Variants in ZNF804B observed in about 807,000 individuals in gnomAD.
ZNF804B encodes zinc finger 804B.
ZNF804B carries 80 observed loss-of-function variants against 101.4 expected under a neutral mutation model. The ratio of observed to expected loss-of-function variants is 0.79; its 90% confidence interval spans 0.66 to 0.95. ZNF804B has a LOEUF of 0.95. ZNF804B is among the 40% of genes least tolerant of loss of function. ZNF804B has a pLI of 0.00. For synonymous variants in ZNF804B, 622 were observed against 558.8 expected, an observed-to-expected ratio of 1.11 and a Z score of -1.59; for missense variants, 1,673 against 1,561.9, an observed-to-expected ratio of 1.07 and a Z score of -1.20.
intron 1 of ZNF804B, among the ~76,000 whole-genome samples, chr7:89,032,639 T>A (rs1394431305): frequency 1.3e-5 from 2 of 152,108 alleles, no homozygotes; most frequent in African/African-American, 2.4e-5. Flanking sequence ...AATACCTGCA[T>A]CATTGGTGAA....
chr7:89,043,554 T>A (rs374185456), intron 1 of ZNF804B, among the ~76,000 whole-genome samples: 56 of 152,308 alleles, frequency 3.7e-4, no homozygotes, highest in African/African-American at 1.2e-3. Context: ...TAATATAGCA[T>A]CAGCCATAAA....
At position 88,826,738 on chromosome 7, in the gene ZNF804B, G is replaced by C. The variant is rs932660045; in HGVS notation, c.108+66654G>C. ...TTGGCAATGGGAATTATTTTTAAAT[G>C]AAAAATGATGAATATATTTTGCATA... On this transcript the variant is annotated intron_variant, in intron 1 of 3. Transcript: ENST00000333190. Among the ~76,000 whole-genome samples, 7 of 152,120 alleles carry C rather than the reference G, an allele frequency of 4.6e-5. No individual in the cohort carries two copies. In the East Asian group the frequency reaches 1.2e-3, roughly 25 times the overall value.
At chr7:88,847,503 T>C (rs1016415259) in intron 1 of ZNF804B, among the ~76,000 whole-genome samples, 3 of 152,114 alleles carry the variant, frequency 2.0e-5, no homozygotes, top group African/African-American at 7.2e-5. Flanking sequence ...AAATTTTTAA[T>C]AAACTTGGAA....
chr7:89,155,705 G>GT (rs1337327751), intron 1 of ZNF804B, among the ~76,000 whole-genome samples: 1 of 152,120 alleles, frequency 6.6e-6, no homozygotes, highest in African/African-American at 2.4e-5. Context: ...ATTCTTACCA[G>GT]TTTTCGGAAG....
chr7:88,828,874 GA>G (rs530842992), intron 1 of ZNF804B, among the ~76,000 whole-genome samples: 13 of 151,952 alleles, frequency 8.6e-5, no homozygotes, highest in Non-Finnish European at 1.9e-4. Flanking sequence ...AGAATTTAGA[GA>G]AAAAACCCAT....
At chr7:89,029,420 C>A (rs11978744) in intron 1 of ZNF804B, among the ~76,000 whole-genome samples, 69,319 of 151,998 alleles carry the variant, frequency 0.46, 16,457 homozygotes, top group Middle Eastern at 0.52. Flanking sequence ...AGCTAATATT[C>A]ACAGAAGAAG....
rs371650871 is a variant in ZNF804B at position 88,910,120 on chromosome 7, A to G, written c.108+150036A>G. Among the ~76,000 whole-genome samples, 7 of 152,082 alleles carry G rather than the reference A, an allele frequency of 4.6e-5. No homozygotes were observed. In the East Asian group the frequency reaches 1.4e-3, roughly 29 times the overall value. On this transcript the variant is annotated intron_variant, in intron 1 of 3. Coordinates refer to ENST00000333190, the MANE Select transcript of ZNF804B (RefSeq NM_181646.5). ...ACCAGGGCAAAAAGTGAATAGGTAC[A>G]TACAGGTAAACTGTGGAGACAGCCT...
chr7:88,774,934 A>G (rs1790119803), intron 1 of ZNF804B, among the ~76,000 whole-genome samples: 1 of 152,184 alleles, frequency 6.6e-6, no homozygotes, highest in Non-Finnish European at 1.5e-5. Flanking sequence ...GATTATGGCT[A>G]TGCCTTGAGG....
chr7:88,940,006 A>G (rs527340653), intron 1 of ZNF804B, among the ~76,000 whole-genome samples: 4 of 152,122 alleles, frequency 2.6e-5, no homozygotes, highest in African/African-American at 9.6e-5. Context: ...AAGTAATAAT[A>G]TGGAAAATTA....
At chr7:88,858,269 T>A (rs930493802) in intron 1 of ZNF804B, among the ~76,000 whole-genome samples, 3 of 152,212 alleles carry the variant, frequency 2.0e-5, no homozygotes, top group African/African-American at 7.2e-5. Flanking sequence ...TTTCCTTTCT[T>A]CAAGGTACTT....
chr7:88,948,311 T>TTC (rs1310092714), intron 1 of ZNF804B, among the ~76,000 whole-genome samples: 7 of 122,660 alleles, frequency 5.7e-5, no homozygotes, highest in Non-Finnish European at 1.3e-4. Context: ...CATCCATTTT[T>TTC]TTTTTTTTTT....
At chr7:89,241,439 G>A (rs961847323) in intron 2 of ZNF804B, among the ~76,000 whole-genome samples, 2 of 151,932 alleles carry the variant, frequency 1.3e-5, no homozygotes, top group Non-Finnish European at 2.9e-5. Context: ...TCAAATCTTT[G>A]TTTCAGAGTC....
At chr7:89,117,631 C>T (rs960812512) in intron 1 of ZNF804B, among the ~76,000 whole-genome samples, 1 of 149,710 alleles carries the variant, frequency 6.7e-6, no homozygotes, top group Non-Finnish European at 1.5e-5. Context: ...AATTGTGATG[C>T]CTTTTTAGCC....
intron 2 of ZNF804B, among the ~76,000 whole-genome samples, chr7:89,264,880 T>C (rs1408133460): frequency 1.3e-5 from 2 of 152,220 alleles, no homozygotes; most frequent in African/African-American, 4.8e-5. Flanking sequence ...GACTTCAGAC[T>C]TGTTACTCTG....
intron 2 of ZNF804B, among the ~76,000 whole-genome samples, chr7:89,301,230 T>TTTTA (rs1265565411): frequency 1.3e-5 from 2 of 151,472 alleles, no homozygotes; most frequent in Non-Finnish European, 3.0e-5. Context: ...TCGTCTTATT[T>TTTTA]TTTAGAGTTT....
rs1046583929 is a variant in ZNF804B at position 88,814,255 on chromosome 7, G to T, written c.108+54171G>T. ...TCCAAAGATCAAACAGCTTTAAAAA[G>T]GTGTACATCTGGCTATTATTTAACC... On this transcript the variant is annotated intron_variant, in intron 1 of 3. Transcript: ENST00000333190. Among the ~76,000 whole-genome samples the T allele has an allele frequency of 3.9e-5, 6 of 152,132 alleles. 1 individual carries two copies. The South Asian group carries it at 6.2e-4, about 16-fold the overall frequency.
At chr7:89,116,097 A>T (rs966572227) in intron 1 of ZNF804B, among the ~76,000 whole-genome samples, 4 of 149,848 alleles carry the variant, frequency 2.7e-5, no homozygotes, top group African/African-American at 9.8e-5. Context: ...TATTTTTAGT[A>T]AAAACAGTGT....
intron 1 of ZNF804B, among the ~76,000 whole-genome samples, chr7:88,975,321 C>T (rs1352944426): frequency 6.6e-6 from 1 of 151,182 alleles, no homozygotes; most frequent in African/African-American, 2.4e-5. Flanking sequence ...GACCATATGA[C>T]CATTCTATTT....
chr7:89,224,604 T>C (rs1031583157), intron 2 of ZNF804B, among the ~76,000 whole-genome samples: 8 of 151,974 alleles, frequency 5.3e-5, no homozygotes, highest in Non-Finnish European at 8.8e-5. Flanking sequence ...GTCAGCAACA[T>C]TGAAGAAATA....
Sources: allele counts gnomAD v4.1 joint callset (sites outside exome capture counted in the v4.1 genomes callset), GRCh38; gene constraint gnomAD v4.1.1; transcripts MANE v1.5; gene names NCBI Gene and HGNC (gene_info 2026-07-23, HGNC 2026-07-21).